Variants in GPM6A observed in about 807,000 individuals in gnomAD.
GPM6A encodes the protein glycoprotein M6A, also known as neuronal membrane glycoprotein M6-a.
A neutral mutation model predicts 32.1 loss-of-function variants in GPM6A; 7 were observed. The observed-to-expected ratio is 0.22, with a 90% CI of 0.12 to 0.41. The LOEUF (loss-of-function observed/expected upper bound fraction) is 0.41, where lower values mean the gene tolerates loss of function less well. GPM6A is among the 10% of genes least tolerant of loss of function. The pLI is 1.00. For synonymous variants in GPM6A, 130 were observed against 123.4 expected (o/e 1.05, Z -0.35); for missense variants, 235 against 347.2 (o/e 0.68, Z 2.57).
At chr4:175,986,491 C>T (rs1192932750) in intron 1 of GPM6A, among the ~76,000 whole-genome samples, 1 of 151,682 alleles carries the variant, frequency 6.6e-6, no homozygotes, top group Non-Finnish European at 1.5e-5. Context: ...CACCAGGCTA[C>T]AGTGAGCTAG....
intron 1 of GPM6A, among the ~76,000 whole-genome samples, chr4:175,792,278 T>G (rs1322775734): frequency 6.6e-6 from 1 of 152,214 alleles, no homozygotes; most frequent in Non-Finnish European, 1.5e-5. Context: ...AATAAAAAGT[T>G]AAGTCAAATG....
intron 1 of GPM6A, among the ~76,000 whole-genome samples, chr4:175,853,208 T>G (rs1205821772): frequency 6.6e-5 from 10 of 152,136 alleles, no homozygotes; most frequent in Admixed American, 5.2e-4. Context: ...AATAATTTGC[T>G]GCTTCTATCC....
At chr4:175,745,647 T>G (rs1193298149) in intron 1 of GPM6A, among the ~76,000 whole-genome samples, 1 of 152,130 alleles carries the variant, frequency 6.6e-6, no homozygotes, top group Non-Finnish European at 1.5e-5. Flanking sequence ...ATTATAATTA[T>G]TCCTAGGATG....
chr4:175,838,740 T>C (rs1002758622), intron 1 of GPM6A, among the ~76,000 whole-genome samples: 6 of 149,110 alleles, frequency 4.0e-5, no homozygotes, highest in Non-Finnish European at 8.9e-5. Context: ...CCAGAACCTT[T>C]ACCTCCTGAT....
At chr4:175,858,373 A>G (rs1334569572) in intron 1 of GPM6A, among the ~76,000 whole-genome samples, 2 of 152,084 alleles carry the variant, frequency 1.3e-5, no homozygotes, top group Non-Finnish European at 2.9e-5. Context: ...CTCTACTAAA[A>G]ATACAAAAAT....
intron 1 of GPM6A, among the ~76,000 whole-genome samples, chr4:175,725,201 C>A (rs1178169816): frequency 6.6e-6 from 1 of 151,844 alleles, no homozygotes; most frequent in Admixed American, 6.6e-5. Flanking sequence ...GAGGATCTTG[C>A]ACATAATAAG....
intron 1 of GPM6A, among the ~76,000 whole-genome samples, chr4:175,769,525 G>A (rs537033613): frequency 4.1e-5 from 6 of 145,752 alleles, no homozygotes; most frequent in African/African-American, 1.2e-4. Context: ...GGGCCCCCCT[G>A]TGACTCATAT....
intron 1 of GPM6A, among the ~76,000 whole-genome samples, chr4:175,946,865 A>T (rs1466216935): frequency 1.3e-5 from 2 of 152,206 alleles, no homozygotes; most frequent in Admixed American, 6.5e-5. Context: ...AGGTGCCTTT[A>T]AGAAAAACCA....
intron 1 of GPM6A, among the ~76,000 whole-genome samples, chr4:175,980,665 T>A (rs947778190): frequency 1.3e-5 from 2 of 152,180 alleles, no homozygotes; most frequent in African/African-American, 4.8e-5. Flanking sequence ...CAAGACAGGT[T>A]TTTGAAAGTA....
At chr4:175,856,226 A>G (rs996151340) in intron 1 of GPM6A, among the ~76,000 whole-genome samples, 3 of 152,270 alleles carry the variant, frequency 2.0e-5, no homozygotes, top group Admixed American at 2.0e-4. Flanking sequence ...GATTAAAAAC[A>G]AAGTATTACT....
intron 1 of GPM6A, among the ~76,000 whole-genome samples, chr4:175,994,347 T>A (rs1424305479): frequency 1.3e-5 from 2 of 152,150 alleles, no homozygotes; most frequent in Admixed American, 1.3e-4. Flanking sequence ...GGACCAGGAT[T>A]AGAAAATAAA....
At chr4:175,703,462 C>T (rs577589971) in intron 1 of GPM6A, among the ~76,000 whole-genome samples, 35 of 152,138 alleles carry the variant, frequency 2.3e-4, no homozygotes, top group Non-Finnish European at 3.7e-4. Flanking sequence ...TGAGCCACCA[C>T]GCCCAGCCTA....
chr4:175,889,114 CACACATACACAA>C (rs1737550902), intron 1 of GPM6A, among the ~76,000 whole-genome samples: 1 of 152,102 alleles, frequency 6.6e-6, no homozygotes. Flanking sequence ...TCAAATTATG[CACACATACACAA>C]ACACATACAC....
At chr4:175,727,489 G>A (rs1731229323) in intron 1 of GPM6A, among the ~76,000 whole-genome samples, 1 of 152,152 alleles carries the variant, frequency 6.6e-6, no homozygotes, top group African/African-American at 2.4e-5. Context: ...CTGTTAGTGA[G>A]ATAAGAAATT....
intron 3 of GPM6A, among the ~76,000 whole-genome samples, chr4:175,669,706 A>G (rs1370637136): frequency 1.3e-5 from 2 of 152,210 alleles, no homozygotes; most frequent in Non-Finnish European, 2.9e-5. Context: ...TTGTGTCCTC[A>G]CAAAATTCAT....
intron 2 of GPM6A, among the ~76,000 whole-genome samples, chr4:175,679,592 T>C (rs186803177): frequency 2.6e-5 from 4 of 152,260 alleles, no homozygotes; most frequent in Admixed American, 2.6e-4. Context: ...CTTATCATGT[T>C]TGCAAAATGA....
intron 3 of GPM6A, chr4:175,654,131 G>C (rs754980666): frequency 6.6e-5 from 10 of 152,042 alleles, no homozygotes; most frequent in Non-Finnish European, 1.2e-4. Flanking sequence ...CATAATGCAG[G>C]TCATTTTCCA....
intron 2 of GPM6A, among the ~76,000 whole-genome samples, chr4:175,678,448 G>A (rs1039045131): frequency 1.3e-5 from 2 of 152,088 alleles, no homozygotes; most frequent in African/African-American, 4.8e-5. Context: ...ATATACAAGA[G>A]CAAAATGAGG....
chr4:175,945,313 GTTCTTGTTTAGTACAAACAAATA>G (rs1739554732), intron 1 of GPM6A, among the ~76,000 whole-genome samples: 1 of 152,096 alleles, frequency 6.6e-6, no homozygotes, highest in South Asian at 2.1e-4. Flanking sequence ...CAAGCATCAT[GTTCTTGTTTAGTACAAACAAATA>G]TTTAATTTAG....
Sources: gnomAD v4.1 joint callset for allele counts (sites outside exome capture counted in the v4.1 genomes callset) on GRCh38, gnomAD v4.1.1 for gene constraint, MANE v1.5 for transcripts, NCBI Gene and HGNC (gene_info 2026-07-23, HGNC 2026-07-21) for gene names.